Variants in SYNE1 observed in about 807,000 individuals in gnomAD.
The protein encoded by SYNE1 is spectrin repeat containing nuclear envelope protein 1.
Under a neutral mutation model 1,111.0 loss-of-function variants are expected in SYNE1, and 616 were observed. The ratio of observed to expected loss-of-function variants is 0.55; its 90% CI spans 0.52 to 0.59. SYNE1 has a LOEUF of 0.59. Ranked by LOEUF, SYNE1 falls within the 20% of genes least tolerant of loss-of-function variation. The pLI is 0.00. For synonymous variants in SYNE1, 3,855 were observed against 3,825.8 expected, an observed-to-expected ratio of 1.01 and a Z score of -0.28; for missense variants, 10,006 against 10,417.0, an observed-to-expected ratio of 0.96 and a Z score of 1.72.
intron 95 of SYNE1, among the ~76,000 whole-genome samples, chr6:152,285,715 A>G (rs2094291792): frequency 3.3e-5 from 5 of 152,196 alleles, no homozygotes; most frequent in Admixed American, 2.6e-4. Flanking sequence ...GTTAATTGTC[A>G]TATCTTCAGA....
chr6:152,463,743 GACAAA>G (rs1188534619), intron 18 of SYNE1, among the ~76,000 whole-genome samples: 1 of 152,046 alleles, frequency 6.6e-6, no homozygotes. Flanking sequence ...ATTTGCCGAA[GACAAA>G]ACAAAACATG....
At chr6:152,192,994 TG>T (rs1340434008) in intron 127 of SYNE1, among the ~76,000 whole-genome samples, 1 of 152,164 alleles carries the variant, frequency 6.6e-6, no homozygotes, top group Non-Finnish European at 1.5e-5. Flanking sequence ...AACAGATCAT[TG>T]GGTCTTATGT....
At chr6:152,249,122 T>C (rs752778481) in intron 105 of SYNE1, 39 bp downstream of exon 105, 1 of 1,270,176 alleles carries the variant, frequency 7.9e-7, no homozygotes, top group Non-Finnish European at 1.2e-6. Flanking sequence ...ATATCTCCTC[T>C]ATGCATTTTC....
At chr6:152,430,294 C>A in intron 35 of SYNE1, 84 bp from the exon 36 acceptor site, 1 of 1,221,894 alleles carries the variant, frequency 8.2e-7, no homozygotes, top group South Asian at 1.3e-5. Context: ...AAATGGCATA[C>A]CTACCTTTTA....
intron 45 of SYNE1, among the ~76,000 whole-genome samples, chr6:152,405,378 G>A (rs1395283011): frequency 6.6e-6 from 1 of 152,128 alleles, no homozygotes; most frequent in African/African-American, 2.4e-5. Context: ...TACCACCATG[G>A]TAAGCTACAA....
chr6:152,433,271 G>A (rs2098445274), intron 34 of SYNE1, among the ~76,000 whole-genome samples: 1 of 152,128 alleles, frequency 6.6e-6, no homozygotes. Context: ...GCTGGGAGAG[G>A]TAAGGAATCA....
At chr6:152,123,500 T>A (rs1196650116) in intron 145 of SYNE1, among the ~76,000 whole-genome samples, 1 of 152,222 alleles carries the variant, frequency 6.6e-6, no homozygotes, top group Non-Finnish European at 1.5e-5. Flanking sequence ...AGAGATTGAG[T>A]ACAGGTTTCA....
In SYNE1 at chr6:152,310,798, C is replaced by T. The variant is rs148158986; in HGVS notation, c.16786G>A (p.Val5596Met). The T allele has an allele frequency of 2.9e-5, 46 of 1,613,932 alleles. No homozygotes were observed. The highest frequency in any genetic ancestry group is 1.3e-4 in the African/African-American group (10 of 74,900). Reference protein sequence around the residue: ...MTEKLQYLTSVYCTEKMSQQV... With the variant: ...MTEKLQYLTSMYCTEKMSQQV... Reference sequence around the variant, plus strand: ...TGAGACATTTTTTCTGTACAGTACACGCTAGTGAGGTACTGTAATTTCTCA... The same window carrying T: ...TGAGACATTTTTTCTGTACAGTACATGCTAGTGAGGTACTGTAATTTCTCA... The change falls in exon 88 of 146, where the codon GTG becomes ATG. Residue 5596 changes from valine (V) to methionine (M), a missense_variant. Physicochemically the swap from Val to Met is conservative, Grantham distance 21 (BLOSUM62 1). This residue lies in a region of SYNE1 where 4,955 missense variants were observed against 5,017.2 expected (regional missense o/e 0.99). Coordinates refer to ENST00000367255, the MANE Select transcript of SYNE1 (RefSeq NM_182961.4).
intron 87 of SYNE1, among the ~76,000 whole-genome samples, chr6:152,313,314 C>T (rs939624732): frequency 2.0e-5 from 3 of 152,118 alleles, no homozygotes; most frequent in Admixed American, 2.0e-4. Context: ...ACCTGTCTAA[C>T]CATAATTATT....
chr6:152,369,019 C>A lies in SYNE1; in HGVS notation c.9760G>T (p.Val3254Leu). 1 of 1,614,192 alleles carries A rather than the reference C, an allele frequency of 6.2e-7. No homozygotes were observed. The highest frequency in any genetic ancestry group is 1.3e-5 in the African/African-American group (1 of 75,054). Residue 3254 changes from valine (V) to leucine (L), a missense_variant, in exon 61 of 146, where the codon GTG (valine) becomes TTG (leucine). By Grantham distance (32) the Val-to-Leu change is conservative (BLOSUM62 1). This residue lies in a region of SYNE1 where 4,955 missense variants were observed against 5,017.2 expected (regional missense o/e 0.99). Transcript: ENST00000367255. ...AGATACTGAGAAGACAGCTGCGACA[C>A]TCTGTGCCTAAAGCTCTTGCTGGCA... ...QAASKSFRHR[V>L]SQLSSQYLAL...
At position 152,292,025 on chromosome 6, in the gene SYNE1, G is replaced by C. The variant is rs1589437742; in HGVS notation, c.18012+1563C>G. 3.9e-5 allele frequency among the ~76,000 whole-genome samples: 6 copies of C among 152,232 alleles called. No homozygotes were observed. The South Asian group carries it at 8.3e-4, about 21-fold the overall frequency. Reference sequence around the variant, plus strand: ...GAAGCAGAGGTGCAGGGAACAGCTGGACAGACAGAACCGCAGGAGCAAGGA... The same window carrying C: ...GAAGCAGAGGTGCAGGGAACAGCTGCACAGACAGAACCGCAGGAGCAAGGA... On this transcript the variant is annotated intron_variant, in intron 95 of 145. Coordinates refer to ENST00000367255, the MANE Select transcript of SYNE1 (RefSeq NM_182961.4).
chr6:152,313,470 T>C (rs1272108816), intron 87 of SYNE1, among the ~76,000 whole-genome samples: 1 of 151,296 alleles, frequency 6.6e-6, no homozygotes, highest in Non-Finnish European at 1.5e-5. Flanking sequence ...TTTTCTTTTT[T>C]TTTTTTTTTT....
At chr6:152,244,399 TAA>T in intron 106 of SYNE1, 136 bp downstream of exon 106, 1 of 1,303,764 alleles carries the variant, frequency 7.7e-7, no homozygotes, top group Non-Finnish European at 1.1e-6. Flanking sequence ...GAAAATTTTC[TAA>T]GAGTTGCTTG....
At chr6:152,291,912 C>T (rs966800188) in intron 95 of SYNE1, among the ~76,000 whole-genome samples, 6 of 152,180 alleles carry the variant, frequency 3.9e-5, no homozygotes, top group Non-Finnish European at 7.3e-5. Context: ...GCTTAAAGAA[C>T]GGGGCCTCCT....
chr6:152,191,638 A>G (rs2072419906), intron 127 of SYNE1, among the ~76,000 whole-genome samples: 1 of 151,736 alleles, frequency 6.6e-6, no homozygotes, highest in African/African-American at 2.4e-5. Flanking sequence ...TTTCATTTAG[A>G]TCTTCTCTTT....
chr6:152,302,127 G>A, intron 91 of SYNE1, 64 bp from the exon 92 acceptor site: 1 of 1,602,136 alleles, frequency 6.2e-7, no homozygotes, highest in Non-Finnish European at 8.5e-7. Context: ...AAGTAGTAGC[G>A]TTCATCTTCC....
At chr6:152,184,627 C>CAT (rs752571504) in intron 128 of SYNE1, among the ~76,000 whole-genome samples, 2 of 140,082 alleles carry the variant, frequency 1.4e-5, no homozygotes, top group African/African-American at 2.6e-5. Flanking sequence ...GGATTATACA[C>CAT]ATATATAGAT....
At position 152,409,210 on chromosome 6, in the gene SYNE1, T is replaced by C. The variant is rs1272579666; in HGVS notation, c.6398A>G (p.Asn2133Ser). The C allele has an allele frequency of 1.2e-6, 2 of 1,614,018 alleles. No individual in the cohort carries two copies. The highest frequency in any genetic ancestry group is 1.3e-5 in the African/African-American group (1 of 74,932). The stretch of plus-strand genomic sequence containing the variant: ...GTCTTTCTGTTTGTAATTCATTTTG[T>C]TCTTGGCAGTTTCATGCTGTGGATA... ...WAFSKHETAK[N>S]KMNYKQKDLD... The change falls in exon 44 of 146, where the codon AAC becomes AGC. Residue 2133 changes from asparagine to serine, a missense_variant. Coordinates refer to ENST00000367255, the MANE Select transcript of SYNE1 (RefSeq NM_182961.4).
intron 41 of SYNE1, 89 bp downstream of exon 41, chr6:152,416,298 A>C: frequency 6.4e-7 from 1 of 1,569,908 alleles, no homozygotes; most frequent in Non-Finnish European, 8.7e-7. Flanking sequence ...ATTTTCCTTG[A>C]ACAGTACTAA....
Sources: allele counts gnomAD v4.1 joint callset (sites outside exome capture counted in the v4.1 genomes callset), GRCh38; gene constraint gnomAD v4.1.1; regional missense constraint gnomAD v4.1.1; transcripts MANE v1.5; gene names NCBI Gene and HGNC (gene_info 2026-07-23, HGNC 2026-07-21).